Variants in RERE observed in about 807,000 individuals in gnomAD.
RERE encodes arginine-glutamic acid dipeptide repeats, also known as arginine-glutamic acid dipeptide repeats protein.
A neutral mutation model predicts 146.1 loss-of-function variants in RERE; 40 were observed. The observed-to-expected ratio is 0.27, with a 90% CI of 0.21 to 0.36. RERE has a LOEUF of 0.36. RERE is among the 10% of genes least tolerant of loss of function. RERE has a pLI of 1.00. For synonymous variants in RERE, 1,003 were observed against 866.0 expected (o/e 1.16, Z -2.78); for missense variants, 1,933 against 2,138.7 (o/e 0.90, Z 1.90).
chr1:8,677,894 C>T (rs915237730), intron 1 of RERE, among the ~76,000 whole-genome samples: 2 of 152,200 alleles, frequency 1.3e-5, no homozygotes, highest in African/African-American at 4.8e-5. Context: ...AATTCCACAG[C>T]ACAGAGGCAA....
At chr1:8,766,079 C>T (rs1484613482) in intron 1 of RERE, among the ~76,000 whole-genome samples, 1 of 152,192 alleles carries the variant, frequency 6.6e-6, no homozygotes, top group Non-Finnish European at 1.5e-5. Context: ...CAACACTGCA[C>T]TCCAGCCTGG....
chr1:8,611,906 C>T (rs1027365733), intron 4 of RERE, among the ~76,000 whole-genome samples: 4 of 152,150 alleles, frequency 2.6e-5, no homozygotes, highest in Non-Finnish European at 5.9e-5. Context: ...CTTTGCCTTC[C>T]TACCTCCCTC....
At chr1:8,728,860 C>A (rs1208358555) in intron 1 of RERE, among the ~76,000 whole-genome samples, 1 of 152,112 alleles carries the variant, frequency 6.6e-6, no homozygotes, top group Non-Finnish European at 1.5e-5. Context: ...AGAGACTGCA[C>A]CTGTTTTTGA....
chr1:8,609,384 A>C (rs1646763391), intron 4 of RERE, among the ~76,000 whole-genome samples: 1 of 152,188 alleles, frequency 6.6e-6, no homozygotes, highest in South Asian at 2.1e-4. Flanking sequence ...GAACTTTCTT[A>C]ATTTGTTACA....
At chr1:8,612,935 G>A (rs891653843) in intron 4 of RERE, among the ~76,000 whole-genome samples, 5 of 152,120 alleles carry the variant, frequency 3.3e-5, no homozygotes, top group Non-Finnish European at 7.3e-5. Flanking sequence ...GAATTCCAAG[G>A]TTTCCATAAT....
At chr1:8,565,930 CCA>C (rs1646147382) in intron 4 of RERE, among the ~76,000 whole-genome samples, 1 of 152,136 alleles carries the variant, frequency 6.6e-6, no homozygotes, top group African/African-American at 2.4e-5. Flanking sequence ...AATACTGACT[CCA>C]CAGACTCTTC....
intron 1 of RERE, among the ~76,000 whole-genome samples, chr1:8,718,588 G>C (rs1215727220): frequency 1.3e-5 from 2 of 152,122 alleles, no homozygotes; most frequent in Non-Finnish European, 2.9e-5. Flanking sequence ...TATTTTGCTG[G>C]GTGATTTTAA....
At chr1:8,358,075 G>C (rs1325361596) in intron 20 of RERE, 121 bp downstream of exon 20, 1 of 1,469,360 alleles carries the variant, frequency 6.8e-7, no homozygotes, top group African/African-American at 1.4e-5. Context: ...TCTAAGATCT[G>C]CCAGGGATGA....
intron 1 of RERE, among the ~76,000 whole-genome samples, chr1:8,759,657 G>A (rs1055242803): frequency 2.6e-5 from 4 of 152,110 alleles, no homozygotes; most frequent in Admixed American, 2.6e-4. Context: ...TAACTAAGTG[G>A]CTCTGCTAAC....
chr1:8,664,895 CT>C (rs1638535604), intron 1 of RERE, among the ~76,000 whole-genome samples: 1 of 152,158 alleles, frequency 6.6e-6, no homozygotes. Flanking sequence ...CAGGGTGTTC[CT>C]TTAAAAAGGC....
intron 1 of RERE, among the ~76,000 whole-genome samples, chr1:8,735,142 T>C (rs1400703496): frequency 6.6e-6 from 1 of 152,156 alleles, no homozygotes; most frequent in South Asian, 2.1e-4. Flanking sequence ...GTAAAATCTA[T>C]AACATATATA....
intron 12 of RERE, among the ~76,000 whole-genome samples, chr1:8,401,653 G>A (rs372955575): frequency 2.0e-5 from 3 of 151,608 alleles, no homozygotes; most frequent in East Asian, 2.0e-4. Context: ...CCAGCTACTC[G>A]GGAGGCTGAG....
In RERE at chr1:8,510,996, C is replaced by T. The variant is rs1469191677; in HGVS notation, c.831-2321G>A. ...TCTCAAAACCCTGGGCTCAAAGGGACCCCCACCTCAGCCTCCCAAAGCGCT... is the reference window on the plus strand; with the variant it reads ...TCTCAAAACCCTGGGCTCAAAGGGATCCCCACCTCAGCCTCCCAAAGCGCT... On this transcript the variant is annotated intron_variant, in intron 7 of 22. Transcript: ENST00000400908. Among the ~76,000 whole-genome samples the T allele has an allele frequency of 3.3e-5, 5 of 152,038 alleles. No individual in the cohort carries two copies. The South Asian group carries it at 6.2e-4, about 19-fold the overall frequency.
chr1:8,567,002 G>T (rs1404798227), intron 4 of RERE, among the ~76,000 whole-genome samples: 1 of 152,108 alleles, frequency 6.6e-6, no homozygotes, highest in Non-Finnish European at 1.5e-5. Context: ...TGTTAGCCAG[G>T]ATGGTCTTGA....
In RERE at chr1:8,358,290, G is replaced by A. The variant is rs746349922; in HGVS notation, c.4245C>T (p.Ala1415=). 1.9e-6 allele frequency: 3 copies of A among 1,613,568 alleles called. No individual in the cohort carries two copies. The highest frequency in any genetic ancestry group is 2.7e-5 in the African/African-American group (2 of 74,928). ...RMASLTSDPL[A]RLQMFNVTPH... ...GAGTCACGTTGAACATCTGCAGTCG[G>A]GCCAGGGGATCGCTGGTCAGCGATG... The change falls in exon 20 of 23, where the codon GCC becomes GCT. Residue 1415 remains alanine, a synonymous_variant. Transcript: ENST00000400908.
chr1:8,775,859 T>C (rs1450485210), intron 1 of RERE, among the ~76,000 whole-genome samples: 2 of 152,220 alleles, frequency 1.3e-5, no homozygotes, highest in African/African-American at 4.8e-5. Context: ...ATCTCCATTT[T>C]GTATCGAGGA....
chr1:8,480,120 CTTTT>C (rs35022247), intron 10 of RERE, among the ~76,000 whole-genome samples: 1 of 119,800 alleles, frequency 8.3e-6, no homozygotes, highest in Non-Finnish European at 1.6e-5. Context: ...TTATTAAAGC[CTTTT>C]TTTGTTTTTT....
chr1:8,728,647 A>AT (rs1640020473), intron 1 of RERE, among the ~76,000 whole-genome samples: 1 of 152,216 alleles, frequency 6.6e-6, no homozygotes, highest in African/African-American at 2.4e-5. Flanking sequence ...GTGGTATACC[A>AT]TAACACCAAA....
At chr1:8,797,376 TAAA>T (rs34435165) in intron 1 of RERE, among the ~76,000 whole-genome samples, 2 of 146,638 alleles carry the variant, frequency 1.4e-5, no homozygotes. Context: ...AGACTCCGCC[TAAA>T]AAAAAAAAAA....
Sources: gnomAD v4.1 joint callset for allele counts (sites outside exome capture counted in the v4.1 genomes callset) on GRCh38, gnomAD v4.1.1 for gene constraint, MANE v1.5 for transcripts, NCBI Gene and HGNC (gene_info 2026-07-23, HGNC 2026-07-21) for gene names.